Variants in LRBA observed in about 807,000 individuals in gnomAD.
The protein encoded by LRBA is LPS responsive beige-like anchor protein.
LRBA carries 176 observed loss-of-function variants against 330.0 expected under a neutral mutation model. That is an observed-to-expected ratio of 0.53 (90% CI 0.47 to 0.60). LRBA has a LOEUF of 0.60. LRBA is among the 20% of genes least tolerant of loss of function. LRBA has a pLI of 0.00. For synonymous variants in LRBA, 1,230 were observed against 1,193.0 expected (o/e 1.03, Z -0.64); for missense variants, 3,259 against 3,444.8 (o/e 0.95, Z 1.35).
intron 2 of LRBA, among the ~76,000 whole-genome samples, chr4:150,973,148 C>CTGTCTGTT (rs1554011518): frequency 2.7e-5 from 4 of 149,464 alleles, no homozygotes; most frequent in East Asian, 2.0e-4. Context: ...TTTTGTCTGT[C>CTGTCTGTT]TGTTTGTTTG....
chr4:150,950,839 C>T (rs1736760553), intron 2 of LRBA, among the ~76,000 whole-genome samples: 1 of 152,124 alleles, frequency 6.6e-6, no homozygotes, highest in Non-Finnish European at 1.5e-5. Flanking sequence ...TTAAGTCAGG[C>T]CTGGCTAAAT....
At chr4:150,828,653 C>A in intron 29 of LRBA, 32 bp from the exon 30 acceptor site, 1 of 1,554,868 alleles carries the variant, frequency 6.4e-7, no homozygotes, top group Non-Finnish European at 8.7e-7. Context: ...AAGAAATAAA[C>A]AAACAAAAGT....
intron 2 of LRBA, among the ~76,000 whole-genome samples, chr4:150,960,808 C>T (rs946785903): frequency 1.3e-5 from 2 of 149,252 alleles, no homozygotes; most frequent in African/African-American, 5.2e-5. Flanking sequence ...TATTTTAAAA[C>T]ATCTATATTC....
At chr4:150,975,528 T>A in intron 2 of LRBA, among the ~76,000 whole-genome samples, 1 of 132,800 alleles carries the variant, frequency 7.5e-6, no homozygotes, top group African/African-American at 3.0e-5. Flanking sequence ...TGTGAGACTC[T>A]ATCTCAAAAA....
intron 40 of LRBA, among the ~76,000 whole-genome samples, chr4:150,559,339 G>C (rs886430515): frequency 2.0e-5 from 3 of 151,216 alleles, no homozygotes; most frequent in African/African-American, 7.3e-5. Context: ...AAGGCGGGTG[G>C]ATCATGAGGT....
intron 2 of LRBA, among the ~76,000 whole-genome samples, chr4:151,009,026 TA>T (rs61677675): frequency 3.3e-4 from 4 of 12,080 alleles, no homozygotes; most frequent in African/African-American, 8.7e-4. Flanking sequence ...TATATATATA[TA>T]AAATGGTATT....
chr4:150,590,478 T>C (rs959033922), intron 39 of LRBA, among the ~76,000 whole-genome samples: 18 of 152,178 alleles, frequency 1.2e-4, no homozygotes, highest in Non-Finnish European at 2.4e-4. Context: ...TTTTAAACTT[T>C]TTCTTTTTCA....
chr4:150,485,416 T>C (rs1221794692), intron 42 of LRBA, among the ~76,000 whole-genome samples: 1 of 151,938 alleles, frequency 6.6e-6, no homozygotes, highest in East Asian at 1.9e-4. Flanking sequence ...GACTTATGAC[T>C]CCTTAAAAGC....
intron 38 of LRBA, 84 bp from the exon 39 acceptor site, chr4:150,590,943 T>G: frequency 8.2e-7 from 1 of 1,217,388 alleles, no homozygotes; most frequent in Non-Finnish European, 1.1e-6. Context: ...TAAGGGTAGG[T>G]GGCCAAAGAT....
chr4:150,265,796 TG>T lies in LRBA; in HGVS notation c.8484del (p.Met2829TrpfsTer37). ...LSYDQRCIISGMASGSIVLFY... is the reference protein window; with the variant it reads ...LSYDQRCIISXMASGSIVLFY... ...AATAGCACAATGCTTCCTGAAGCCA[TG>T]CCAGAAATGATGCACCTAGGAGAAG... On this transcript the variant is annotated frameshift_variant, in exon 57 of 57. Transcript: ENST00000651943. LOFTEE classifies it high-confidence loss of function. 6.2e-7 allele frequency: 1 copy of T among 1,612,266 alleles called. No individual in the cohort carries two copies. Among genetic ancestry groups the T allele is most frequent in the Non-Finnish European group, 8.5e-7 (1 of 1,178,398 alleles).
intron 38 of LRBA, among the ~76,000 whole-genome samples, chr4:150,592,622 TG>T (rs1438463028): frequency 6.6e-6 from 1 of 152,110 alleles, no homozygotes; most frequent in East Asian, 1.9e-4. Context: ...CTAATTAAAG[TG>T]GCTTTATTTA....
At position 151,014,810 on chromosome 4, in the gene LRBA, T is replaced by C. The variant is rs1004941858; in HGVS notation, c.-168A>G. 5.2e-6 allele frequency: 3 copies of C among 578,426 alleles called. No individual in the cohort carries two copies. Among genetic ancestry groups the C allele is most frequent in the Non-Finnish European group, 9.2e-6 (3 of 324,842 alleles). 35.8% of individuals were successfully genotyped at this position (578,426 alleles called of 1,614,324 possible). ...GTCCTTGGCGTCGCCCTCCTCCTCTTGGAGAATATTTGTCCAATCTCTCTC... is the reference window on the plus strand; with the variant it reads ...GTCCTTGGCGTCGCCCTCCTCCTCTCGGAGAATATTTGTCCAATCTCTCTC... On this transcript the variant is annotated 5_prime_UTR_variant, in exon 2 of 57. Transcript: ENST00000651943.
At chr4:150,748,164 T>A (rs986080667) in intron 35 of LRBA, among the ~76,000 whole-genome samples, 33 of 152,214 alleles carry the variant, frequency 2.2e-4, no homozygotes, top group Admixed American at 1.6e-3. Context: ...CTGCTTTAAC[T>A]ATTAAATACA....
In LRBA at chr4:150,583,308, G is replaced by T; in HGVS notation, c.6330+4740C>A. 1.2e-5 allele frequency: 20 copies of T among 1,614,166 alleles called. No individual in the cohort carries two copies. Among genetic ancestry groups the T allele is most frequent in the Non-Finnish European group, 1.5e-5 (18 of 1,180,034 alleles). On this transcript the variant is annotated intron_variant, in intron 40 of 56. Transcript: ENST00000651943. The surrounding 1 kb of genome is among the most constrained non-coding windows in gnomAD (Gnocchi z 9.8). ...TCTTCAACTTCGTGGACGACGGCTC[G>T]CTGCCCGGCTGCGCAGTGCTCAAAC...
At chr4:150,881,830 T>C (rs1219087200) in intron 17 of LRBA, among the ~76,000 whole-genome samples, 1 of 152,218 alleles carries the variant, frequency 6.6e-6, no homozygotes, top group Non-Finnish European at 1.5e-5. Flanking sequence ...CTCACACCTG[T>C]AATCCCAGCA....
At chr4:150,639,753 A>ATGTGTGTCTG (rs755120231) in intron 37 of LRBA, among the ~76,000 whole-genome samples, 1 of 26,386 alleles carries the variant, frequency 3.8e-5, no homozygotes, top group Non-Finnish European at 6.6e-5. Flanking sequence ...ATATATATAT[A>ATGTGTGTCTG]TATATATATA....
chr4:150,344,624 G>A (rs1736028438), intron 48 of LRBA, among the ~76,000 whole-genome samples: 1 of 152,148 alleles, frequency 6.6e-6, no homozygotes, highest in South Asian at 2.1e-4. Context: ...TGCAATGGCA[G>A]GATCATAGCT....
chr4:150,609,190 T>A (rs1447673265), intron 37 of LRBA, among the ~76,000 whole-genome samples: 1 of 152,242 alleles, frequency 6.6e-6, no homozygotes, highest in African/African-American at 2.4e-5. Context: ...CTGACCAAAT[T>A]ATGATAAATC....
intron 40 of LRBA, among the ~76,000 whole-genome samples, chr4:150,507,566 C>T (rs896403856): frequency 2.0e-5 from 3 of 152,112 alleles, no homozygotes; most frequent in Non-Finnish European, 4.4e-5. Context: ...ACACCTTATA[C>T]AAAAATTAAT....
Sources: gnomAD v4.1 joint callset for allele counts (sites outside exome capture counted in the v4.1 genomes callset) on GRCh38, gnomAD v4.1.1 for gene constraint, Gnocchi (gnomAD v3.1) non-coding constraint, MANE v1.5 for transcripts, NCBI Gene and HGNC (gene_info 2026-07-23, HGNC 2026-07-21) for gene names.